Variants in NEGR1 observed in about 807,000 individuals in gnomAD.
NEGR1 encodes IgLON family member 4.
In NEGR1, 10 loss-of-function variants were observed where a neutral mutation model predicts 40.9. That is an observed-to-expected ratio of 0.24 (90% CI 0.15 to 0.42). The LOEUF (loss-of-function observed/expected upper bound fraction) is 0.42, where lower values mean the gene tolerates loss of function less well. Among genes scored for constraint, NEGR1 ranks in the 10% least tolerant of loss-of-function variants. The pLI, the probability that NEGR1 is intolerant of heterozygous loss-of-function variation, is 1.00. For missense variants in NEGR1, 352 were observed against 438.9 expected (o/e 0.80, Z 1.77); for synonymous variants, 185 against 166.8 (o/e 1.11, Z -0.84).
intron 4 of NEGR1, among the ~76,000 whole-genome samples, chr1:71,654,850 C>T (rs1462340533): frequency 6.6e-6 from 1 of 152,040 alleles, no homozygotes; most frequent in African/African-American, 2.4e-5. Context: ...TAATATACAG[C>T]TTTAATCATG....
In NEGR1 at chr1:71,402,656, G is replaced by A. The variant is rs1034210790; in HGVS notation, c.*4790C>T. 1 of 152,016 alleles carries A rather than the reference G, an allele frequency of 6.6e-6. No individual in the cohort carries two copies. Among genetic ancestry groups the A allele is most frequent in the African/African-American group, 2.4e-5 (1 of 41,396 alleles). The allele number at this position is 152,016 out of a possible 1,614,324, so 9.4% of individuals were successfully genotyped here. ...AAAGTTCAGAGGGAGTACATTGACG[G>A]GTGTTTGGATCAAATTCCACTAACT... On this transcript the variant is annotated 3_prime_UTR_variant, in exon 7 of 7. Coordinates refer to ENST00000357731, the MANE Select transcript of NEGR1 (RefSeq NM_173808.3).
rs1441785712 is a variant in NEGR1, at chr1:71,976,741, G to T, written c.177-41430C>A. On this transcript the variant is annotated intron_variant, in intron 1 of 6. Coordinates refer to ENST00000357731, the MANE Select transcript of NEGR1 (RefSeq NM_173808.3). ...GTCTTTGCACTAAGGTTTTCGAAGA[G>T]AAACATTTATTTCCAATCACTTTAA... Among the ~76,000 whole-genome samples, 7 of 152,190 alleles carry T rather than the reference G, an allele frequency of 4.6e-5. No individual in the cohort carries two copies. In the East Asian group the frequency reaches 9.7e-4, roughly 21 times the overall value.
chr1:72,209,105 T>A (rs1653507827), intron 1 of NEGR1, among the ~76,000 whole-genome samples: 1 of 151,686 alleles, frequency 6.6e-6, no homozygotes, highest in Non-Finnish European at 1.5e-5. Context: ...AGATACTCCT[T>A]TTCAACACCA....
intron 2 of NEGR1, among the ~76,000 whole-genome samples, chr1:71,783,089 T>A (rs906354103): frequency 7.9e-5 from 12 of 152,110 alleles, no homozygotes; most frequent in Non-Finnish European, 1.3e-4. Context: ...GTTTTTTTCC[T>A]CCAAAGACTT....
chr1:72,006,513 T>C (rs911773801), intron 1 of NEGR1, among the ~76,000 whole-genome samples: 5 of 152,196 alleles, frequency 3.3e-5, no homozygotes, highest in African/African-American at 1.2e-4. Context: ...ATACACAGCA[T>C]AATGCTGCTT....
At chr1:71,827,985 T>C (rs559132775) in intron 2 of NEGR1, among the ~76,000 whole-genome samples, 1 of 151,982 alleles carries the variant, frequency 6.6e-6, no homozygotes, top group Non-Finnish European at 1.5e-5. Context: ...AAGAATTCAA[T>C]AATTTCTTTA....
At chr1:71,884,322 T>C (rs1421143838) in intron 2 of NEGR1, among the ~76,000 whole-genome samples, 1 of 152,170 alleles carries the variant, frequency 6.6e-6, no homozygotes, top group East Asian at 1.9e-4. Flanking sequence ...GCAAGCCATA[T>C]ATCATTCATT....
chr1:71,587,090 A>G (rs1244767673), intron 6 of NEGR1, among the ~76,000 whole-genome samples: 3 of 152,130 alleles, frequency 2.0e-5, no homozygotes, highest in African/African-American at 2.4e-5. Context: ...AAGAGGAGAG[A>G]TAAATTTCTA....
intron 1 of NEGR1, among the ~76,000 whole-genome samples, chr1:72,195,498 AT>A (rs897495590): frequency 1.6e-4 from 24 of 152,024 alleles, no homozygotes; most frequent in Middle Eastern, 3.2e-3. Context: ...TAATGTCTTC[AT>A]TTAAAAAAAA....
chr1:71,508,001 G>A (rs1647046679), intron 6 of NEGR1, among the ~76,000 whole-genome samples: 1 of 152,068 alleles, frequency 6.6e-6, no homozygotes, highest in Non-Finnish European at 1.5e-5. Context: ...GTTATTATAT[G>A]GGCTCCCACA....
chr1:72,181,306 G>C (rs1185863224), intron 1 of NEGR1, among the ~76,000 whole-genome samples: 2 of 152,082 alleles, frequency 1.3e-5, no homozygotes, highest in East Asian at 3.9e-4. Context: ...CTGCTAGAGA[G>C]GACAACCTGG....
intron 2 of NEGR1, among the ~76,000 whole-genome samples, chr1:71,834,785 A>C (rs1048910279): frequency 6.6e-6 from 1 of 152,004 alleles, no homozygotes; most frequent in Non-Finnish European, 1.5e-5. Flanking sequence ...CTTGGGAGTA[A>C]ATATTGGCTT....
At chr1:71,882,767 T>C (rs1420681684) in intron 2 of NEGR1, among the ~76,000 whole-genome samples, 1 of 151,706 alleles carries the variant, frequency 6.6e-6, no homozygotes, top group Admixed American at 6.6e-5. Flanking sequence ...TCCCAAGGAT[T>C]TAATTTCAGT....
intron 5 of NEGR1, among the ~76,000 whole-genome samples, chr1:71,606,001 C>T (rs1243624774): frequency 6.6e-6 from 1 of 152,170 alleles, no homozygotes; most frequent in Non-Finnish European, 1.5e-5. Context: ...CATCAGATGA[C>T]TCTCACCTCT....
intron 4 of NEGR1, among the ~76,000 whole-genome samples, chr1:71,622,070 C>T (rs1459721384): frequency 1.3e-5 from 2 of 151,898 alleles, no homozygotes; most frequent in African/African-American, 2.4e-5. Context: ...TAGCTGTCCC[C>T]TTGTAGTCAG....
At chr1:71,776,641 TGTTTTCCTTGTTGAAATGGTTAAAAAA>T (rs374964497) in intron 2 of NEGR1, among the ~76,000 whole-genome samples, 4 of 152,334 alleles carry the variant, frequency 2.6e-5, no homozygotes, top group African/African-American at 9.6e-5. Flanking sequence ...CACTGTATGA[TGTTTTCCTTGTTGAAATGGTTAAAAAA>T]GAGGAAATAC....
At chr1:71,464,783 G>T (rs1646734878) in intron 6 of NEGR1, among the ~76,000 whole-genome samples, 1 of 152,058 alleles carries the variant, frequency 6.6e-6, no homozygotes, top group South Asian at 2.1e-4. Context: ...TTCTTGACTA[G>T]ACAGAGCAAT....
chr1:71,777,165 TC>T (rs1276317027), intron 2 of NEGR1, among the ~76,000 whole-genome samples: 1 of 152,160 alleles, frequency 6.6e-6, no homozygotes, highest in African/African-American at 2.4e-5. Context: ...TCTCATTGAA[TC>T]CTCAAAGAGC....
chr1:71,830,054 G>A (rs193292782), intron 2 of NEGR1, among the ~76,000 whole-genome samples: 2 of 151,938 alleles, frequency 1.3e-5, no homozygotes. Flanking sequence ...GACCCCAATT[G>A]TGGGCTAAAT....
Sources: allele counts gnomAD v4.1 joint callset (sites outside exome capture counted in the v4.1 genomes callset), GRCh38; gene constraint gnomAD v4.1.1; transcripts MANE v1.5; gene names NCBI Gene and HGNC (gene_info 2026-07-23, HGNC 2026-07-21).